ERCC6L: variants seen among roughly 807,000 people sequenced by gnomAD.
The protein encoded by ERCC6L is ERCC excision repair 6 like, spindle assembly checkpoint helicase.
A neutral mutation model predicts 20.1 loss-of-function variants in ERCC6L; 7 were observed. That is an observed-to-expected ratio of 0.35 (90% CI 0.20 to 0.65). The LOEUF (loss-of-function observed/expected upper bound fraction) is 0.65, where lower values mean the gene tolerates loss of function less well. Among genes scored for constraint, ERCC6L ranks in the 30% least tolerant of loss-of-function variants. The pLI, the probability that ERCC6L is intolerant of heterozygous loss-of-function variation, is 0.69. For missense variants in ERCC6L, 592 were observed against 892.4 expected (o/e 0.66, Z 4.29); for synonymous variants, 278 against 331.3 (o/e 0.84, Z 1.75).
chrX:72,236,372 C>T (rs1273672932), intron 1 of ERCC6L, among the ~76,000 whole-genome samples: 7 of 111,306 alleles, frequency 6.3e-5, no homozygotes, highest in African/African-American at 2.3e-4. Context: ...CATCTCAGCT[C>T]GCTGCAACCT....
chrX:72,221,255 T>C (rs1251449989), intron 1 of ERCC6L, among the ~76,000 whole-genome samples: 1 of 111,834 alleles, frequency 8.9e-6, no homozygotes, highest in Non-Finnish European at 1.9e-5. Context: ...ACATCCAACA[T>C]TGGACACTAA....
At chrX:72,235,525 A>C (rs1312679221) in intron 1 of ERCC6L, among the ~76,000 whole-genome samples, 1 of 108,757 alleles carries the variant, frequency 9.2e-6, no homozygotes, top group African/African-American at 3.4e-5. Flanking sequence ...CCTCCTGGGT[A>C]GCTGGGATTA....
chrX:72,219,847 C>CAA (rs55860938), intron 1 of ERCC6L, among the ~76,000 whole-genome samples: 31 of 64,946 alleles, frequency 4.8e-4, no homozygotes, highest in East Asian at 8.5e-4. Flanking sequence ...GACTCCGTCT[C>CAA]AAAAAAAAAA....
At chrX:72,229,583 C>T (rs1310689953) in intron 1 of ERCC6L, among the ~76,000 whole-genome samples, 3 of 111,728 alleles carry the variant, frequency 2.7e-5, no homozygotes, top group Non-Finnish European at 5.6e-5. Flanking sequence ...CCTGTATACA[C>T]GACAAAGGCC....
chrX:72,211,677 A>G (rs963618707), intron 1 of ERCC6L, among the ~76,000 whole-genome samples: 1 of 111,130 alleles, frequency 9.0e-6, no homozygotes, highest in African/African-American at 3.3e-5. Context: ...CCAGCTATTC[A>G]GGAGGCTGAG....
chrX:72,230,512 G>A lies in ERCC6L; in HGVS notation c.68+8332C>T, dbSNP rs148713341. On this transcript the variant is annotated intron_variant, in intron 1 of 1. Coordinates refer to ENST00000334463, the MANE Select transcript of ERCC6L (RefSeq NM_017669.4). ...GAGAAAGCACTCCTGACCAAAAATC[G>A]GCCAGAAGCCCCTCTCAGGTTTTAT... Among the ~76,000 whole-genome samples the A allele has an allele frequency of 2.9e-3, 325 of 112,144 alleles. 1 individual carries two copies. The highest frequency in any genetic ancestry group is 5.2e-3 in the Non-Finnish European group (277 of 53,176).
rs2042833164 is a variant in ERCC6L at position 72,208,357 on chromosome X, G to A, written c.410C>T (p.Ser137Phe). 8.3e-7 allele frequency: 1 copy of A among 1,209,985 alleles called. No homozygotes were observed. Among genetic ancestry groups the A allele is most frequent in the South Asian group, 1.8e-5 (1 of 56,826 alleles). ...GKTVQIIAFL[S>F]GMFDASLVNH... is the part of the protein sequence containing the mutation. ...CACAAGTGATGCATCAAACATACCG[G>A]AAAGGAAAGCAATGATTTGAACAGT... is the stretch of plus-strand genomic sequence containing the variant. Residue 137 changes from serine to phenylalanine, a missense_variant, in exon 2 of 2, where the codon TCC becomes TTC. Physicochemically the swap from Ser to Phe is radical, Grantham distance 155 (BLOSUM62 -2). This residue lies in a region of ERCC6L where 196 missense variants were observed against 440.1 expected (regional missense o/e 0.45). Transcript: ENST00000334463.
chrX:72,235,596 T>A (rs946314699), intron 1 of ERCC6L, among the ~76,000 whole-genome samples: 1 of 109,849 alleles, frequency 9.1e-6, no homozygotes, highest in Non-Finnish European at 1.9e-5. Context: ...TTTCATCACG[T>A]TGGCCAGGCT....
In ERCC6L at chrX:72,238,972, G is replaced by C; in HGVS notation, c.-61C>G. The C allele has an allele frequency of 9.7e-7, 1 of 1,032,365 alleles. No homozygotes were observed. Among genetic ancestry groups the C allele is most frequent in the Non-Finnish European group, 1.3e-6 (1 of 751,569 alleles). 85.1% of individuals were successfully genotyped at this position (1,032,365 alleles called of 1,213,427 possible). A position where few individuals can be genotyped will look rare whatever the true frequency, so the allele number is the denominator to read the frequency against. On this transcript the variant is annotated 5_prime_UTR_variant, in exon 1 of 2. Transcript: ENST00000334463. Reference sequence around the variant, plus strand: ...GTTTGGAGCTTGGAGCTTGGAGCTTGGAGCTTGGAGCTTAGAGTTTGGAGC... The same window carrying C: ...GTTTGGAGCTTGGAGCTTGGAGCTTCGAGCTTGGAGCTTAGAGTTTGGAGC...
chrX:72,215,443 G>A (rs1158760639), intron 1 of ERCC6L, among the ~76,000 whole-genome samples: 2 of 111,957 alleles, frequency 1.8e-5, no homozygotes, highest in Non-Finnish European at 1.9e-5. Context: ...ATGCTGAAGT[G>A]TTTAGGGGGA....
At chrX:72,214,990 A>C (rs1326437455) in intron 1 of ERCC6L, among the ~76,000 whole-genome samples, 1 of 111,800 alleles carries the variant, frequency 8.9e-6, no homozygotes, top group African/African-American at 3.3e-5. Context: ...CTGACTCAAA[A>C]CAAACAAACA....
intron 1 of ERCC6L, among the ~76,000 whole-genome samples, chrX:72,221,579 G>C (rs1156641679): frequency 9.0e-6 from 1 of 111,120 alleles, no homozygotes; most frequent in Non-Finnish European, 1.9e-5. Flanking sequence ...CACCAAACTT[G>C]GCTTACCGGG....
intron 1 of ERCC6L, among the ~76,000 whole-genome samples, chrX:72,228,272 G>A (rs1425087356): frequency 1.8e-5 from 2 of 112,042 alleles, no homozygotes; most frequent in African/African-American, 6.5e-5. Flanking sequence ...GCCTTGCTGA[G>A]GAAATTAATT....
intron 1 of ERCC6L, among the ~76,000 whole-genome samples, chrX:72,232,273 TAAAAAAAAAAAA>T (rs56070381): frequency 1.6e-5 from 1 of 61,436 alleles, no homozygotes; most frequent in Non-Finnish European, 2.8e-5. Flanking sequence ...GAAGGAGTAT[TAAAAAAAAAAAA>T]AAAAAAAAAA....
Position 72,205,315 on chromosome X carries a change from A to G in ERCC6L, c.3452T>C (p.Leu1151Pro). 8.3e-7 allele frequency: 1 copy of G among 1,212,013 alleles called. No homozygotes were observed. Among genetic ancestry groups the G allele is most frequent in the Admixed American group, 2.2e-5 (1 of 46,049 alleles). Residue 1151 changes from leucine (L) to proline (P), a missense_variant, in exon 2 of 2, where the codon CTG becomes CCG. By Grantham distance (98) the Leu-to-Pro change is moderately conservative. Transcript: ENST00000334463. ...CCAGCTGGACTTGTTTTCTGAAGAC[A>G]GTGTTTCTCCGGAAGGATCCTCTTC... ...YTEEDPSGET[L>P]SSENKSSWLM...
chrX:72,233,256 A>G (rs1157687060), intron 1 of ERCC6L, among the ~76,000 whole-genome samples: 1 of 112,127 alleles, frequency 8.9e-6, no homozygotes, highest in Non-Finnish European at 1.9e-5. Context: ...CCTTTAGTTT[A>G]AATTATAGGA....
chrX:72,238,778 G>T, intron 1 of ERCC6L, 66 bp downstream of exon 1: 1 of 1,065,174 alleles, frequency 9.4e-7, no homozygotes. Flanking sequence ...GGAGGATCCG[G>T]GGGCCACCCC....
chrX:72,205,036 TACAAACTTA>T lies in ERCC6L; in HGVS notation c.3722_3730del (p.Leu1241_Leu1243del). 1 of 1,199,517 alleles carries T rather than the reference TACAAACTTA, an allele frequency of 8.3e-7. No individual in the cohort carries two copies. Among genetic ancestry groups the T allele is most frequent in the Non-Finnish European group, 1.1e-6 (1 of 889,435 alleles). Reference sequence around the variant, plus strand: ...TTCTCAATTGTTATTAAGTTGCTTATACAAACTTAAAGTCAAGAGCATAACTTCAGGATC... The same window carrying T: ...TTCTCAATTGTTATTAAGTTGCTTATAAGTCAAGAGCATAACTTCAGGATC... On this transcript the variant is annotated inframe_deletion, in exon 2 of 2. Coordinates refer to ENST00000334463, the MANE Select transcript of ERCC6L (RefSeq NM_017669.4).
intron 1 of ERCC6L, among the ~76,000 whole-genome samples, chrX:72,209,511 C>T (rs1026302088): frequency 8.9e-6 from 1 of 112,056 alleles, no homozygotes; most frequent in Non-Finnish European, 1.9e-5. Context: ...TTGACCCCAA[C>T]CTAAATAGGA....
Sources: gnomAD v4.1 joint callset for allele counts (sites outside exome capture counted in the v4.1 genomes callset) on GRCh38, gnomAD v4.1.1 for gene constraint, gnomAD v4.1.1 regional missense constraint, MANE v1.5 for transcripts, NCBI Gene and HGNC (gene_info 2026-07-23, HGNC 2026-07-21) for gene names.